Variants in GALNT7 observed in about 807,000 individuals in gnomAD.
GALNT7 encodes the protein N-acetylgalactosaminyltransferase 7.
GALNT7 carries 60 observed loss-of-function variants against 82.1 expected under a neutral mutation model. That is an observed-to-expected ratio of 0.73 (90% CI 0.59 to 0.91). The LOEUF (loss-of-function observed/expected upper bound fraction) is 0.91, where lower values mean the gene tolerates loss of function less well. Ranked by LOEUF, GALNT7 falls within the 40% of genes least tolerant of loss-of-function variation. The pLI, the probability that GALNT7 is intolerant of heterozygous loss-of-function variation, is 0.00. For missense variants in GALNT7, 660 were observed against 804.2 expected, an observed-to-expected ratio of 0.82 and a Z score of 2.17; for synonymous variants, 243 against 275.1, an observed-to-expected ratio of 0.88 and a Z score of 1.15.
chr4:173,319,818 A>G (rs73872555), intron 11 of GALNT7, among the ~76,000 whole-genome samples: 2,447 of 152,284 alleles, frequency 0.016, 62 homozygotes, highest in African/African-American at 0.056. Flanking sequence ...AAATGCAAAA[A>G]TAGAGATAAG....
chr4:173,175,583 C>T (rs1732011674), intron 1 of GALNT7, among the ~76,000 whole-genome samples: 1 of 152,192 alleles, frequency 6.6e-6, no homozygotes, highest in African/African-American at 2.4e-5. Context: ...ACACTGAAGA[C>T]AATATAGATG....
intron 11 of GALNT7, 127 bp from the exon 12 acceptor site, chr4:173,321,453 C>G (rs1737811050): frequency 1.5e-6 from 1 of 661,804 alleles, no homozygotes; most frequent in South Asian, 1.9e-5. Flanking sequence ...AATCCAAAGT[C>G]TGAGGTGTGG....
At chr4:173,313,570 C>CAAAA (rs957463269) in intron 8 of GALNT7, among the ~76,000 whole-genome samples, 2 of 62,376 alleles carry the variant, frequency 3.2e-5, no homozygotes, top group Non-Finnish European at 3.7e-5. Context: ...GACCCCATCA[C>CAAAA]AAAAAAAAAA....
At chr4:173,277,710 A>C (rs984976293) in intron 2 of GALNT7, among the ~76,000 whole-genome samples, 1 of 152,216 alleles carries the variant, frequency 6.6e-6, no homozygotes, top group Non-Finnish European at 1.5e-5. Flanking sequence ...AATTGCTTTA[A>C]ATTCTGTTCA....
At chr4:173,186,780 CT>C (rs764454612) in intron 1 of GALNT7, among the ~76,000 whole-genome samples, 231 of 145,704 alleles carry the variant, frequency 1.6e-3, no homozygotes, top group Middle Eastern at 3.6e-3. Context: ...TGTTTACTTA[CT>C]TTTTTTTTTT....
At chr4:173,192,228 T>C (rs1282147425) in intron 1 of GALNT7, among the ~76,000 whole-genome samples, 1 of 152,200 alleles carries the variant, frequency 6.6e-6, no homozygotes, top group African/African-American at 2.4e-5. Context: ...AGAAGCGTTA[T>C]TCCTTTGCCC....
intron 1 of GALNT7, among the ~76,000 whole-genome samples, chr4:173,188,831 TC>T (rs1473576192): frequency 6.6e-6 from 1 of 152,192 alleles, no homozygotes; most frequent in Non-Finnish European, 1.5e-5. Flanking sequence ...TCAGCAAAGT[TC>T]CTGATTATGA....
At chr4:173,223,316 A>G (rs561735852) in intron 1 of GALNT7, among the ~76,000 whole-genome samples, 13 of 152,302 alleles carry the variant, frequency 8.5e-5, no homozygotes, top group South Asian at 2.1e-4. Context: ...TAATGATTCA[A>G]TACATATGGT....
chr4:173,179,204 G>A (rs1243423815), intron 1 of GALNT7, among the ~76,000 whole-genome samples: 1 of 152,196 alleles, frequency 6.6e-6, no homozygotes, highest in Non-Finnish European at 1.5e-5. Context: ...TATTATGTAA[G>A]TATATCTTAA....
rs774568994 is a variant in GALNT7, at chr4:173,192,024, G to A, written c.126+23063G>A. Among the ~76,000 whole-genome samples the A allele has an allele frequency of 4.3e-4, 66 of 152,296 alleles. 1 individual carries two copies. Among genetic ancestry groups the A allele is most frequent in the Admixed American group, 3.4e-3 (52 of 15,294 alleles). ...TTAAAATAAAATGAATCATACCTGG[G>A]AAGTGGAAAAGGGCAAGTCTGGAGA... On this transcript the variant is annotated intron_variant, in intron 1 of 11. Transcript: ENST00000265000.
chr4:173,233,732 T>A (rs769447748), intron 1 of GALNT7, among the ~76,000 whole-genome samples: 10 of 152,296 alleles, frequency 6.6e-5, no homozygotes, highest in Admixed American at 1.3e-4. Flanking sequence ...CATCCCTTCT[T>A]CATTCTCAAG....
chr4:173,312,263 GTTTA>G (rs1334575137), intron 8 of GALNT7, among the ~76,000 whole-genome samples: 1 of 152,224 alleles, frequency 6.6e-6, no homozygotes, highest in African/African-American at 2.4e-5. Context: ...AAGAAAAGAG[GTTTA>G]TTTATTCACG....
At position 173,292,922 on chromosome 4, in the gene GALNT7, T is replaced by G. The variant is rs1215707845; in HGVS notation, c.754+648T>G. 6.6e-6 allele frequency among the ~76,000 whole-genome samples: 1 copy of G among 152,176 alleles called. No individual in the cohort carries two copies. The highest frequency in any genetic ancestry group is 1.5e-5 in the Non-Finnish European group (1 of 68,008). Reference sequence around the variant, plus strand: ...TCAGTTCTCATGTTAATGTCAAATCTAAAAGCTTTTAGGCACAACATTTTA... The same window carrying G: ...TCAGTTCTCATGTTAATGTCAAATCGAAAAGCTTTTAGGCACAACATTTTA... On this transcript the variant is annotated intron_variant, in intron 3 of 11. Coordinates refer to ENST00000265000, the MANE Select transcript of GALNT7 (RefSeq NM_017423.3). This position sits in a 1 kb window ranked among gnomAD's most constrained non-coding sequence, Gnocchi z 4.8.
intron 1 of GALNT7, among the ~76,000 whole-genome samples, chr4:173,208,441 T>C (rs1733167179): frequency 6.6e-6 from 1 of 152,204 alleles, no homozygotes; most frequent in East Asian, 1.9e-4. Context: ...ACTCACCTAA[T>C]TCTATTTTGT....
chr4:173,169,780 C>G (rs1458784831), intron 1 of GALNT7: 1 of 152,022 alleles, frequency 6.6e-6, no homozygotes, highest in Non-Finnish European at 1.5e-5. Context: ...CGGGCGCTAT[C>G]CGGGGGAAGA....
At chr4:173,297,499 C>T (rs1736759157) in intron 5 of GALNT7, among the ~76,000 whole-genome samples, 1 of 151,998 alleles carries the variant, frequency 6.6e-6, no homozygotes, top group Non-Finnish European at 1.5e-5. Context: ...GTAAAATTAC[C>T]AAAAGAAAGT....
intron 1 of GALNT7, among the ~76,000 whole-genome samples, chr4:173,192,533 A>G (rs1000839871): frequency 1.3e-5 from 2 of 152,322 alleles, no homozygotes; most frequent in African/African-American, 4.8e-5. Flanking sequence ...TCACCAAACA[A>G]TGAAAGATGC....
chr4:173,275,675 A>G (rs918409237), intron 2 of GALNT7, among the ~76,000 whole-genome samples: 14 of 152,206 alleles, frequency 9.2e-5, no homozygotes, highest in African/African-American at 3.4e-4. Flanking sequence ...TCTGCTAACA[A>G]TGGTCCACTT....
At chr4:173,255,468 T>A (rs1371545844) in intron 2 of GALNT7, among the ~76,000 whole-genome samples, 1 of 152,172 alleles carries the variant, frequency 6.6e-6, no homozygotes, top group Non-Finnish European at 1.5e-5. Context: ...GCATTTATTG[T>A]ATTTTCACAG....
Sources: allele counts gnomAD v4.1 joint callset (sites outside exome capture counted in the v4.1 genomes callset), GRCh38; gene constraint gnomAD v4.1.1; non-coding constraint Gnocchi (gnomAD v3.1); transcripts MANE v1.5; gene names NCBI Gene and HGNC (gene_info 2026-07-23, HGNC 2026-07-21).